ABCA3: variants seen among roughly 807,000 people sequenced by gnomAD.
ABCA3 encodes ATP binding cassette subfamily A member 3.
A neutral mutation model predicts 172.8 loss-of-function variants in ABCA3; 88 were observed. The observed-to-expected ratio is 0.51, with a 90% CI of 0.43 to 0.61. The LOEUF is 0.61. Ranked by LOEUF, ABCA3 falls within the 20% of genes least tolerant of loss-of-function variation. ABCA3 has a pLI of 0.00. For synonymous variants in ABCA3, 1,066 were observed against 983.8 expected (o/e 1.08, Z -1.56); for missense variants, 2,164 against 2,301.0 (o/e 0.94, Z 1.22).
At chr16:2,312,695 AT>A (rs907789669) in intron 10 of ABCA3, among the ~76,000 whole-genome samples, 1 of 151,546 alleles carries the variant, frequency 6.6e-6, no homozygotes, top group Non-Finnish European at 1.5e-5. Flanking sequence ...CGCCCAGCAA[AT>A]TTTTTTTGTA....
chr16:2,288,500 C>A (rs1212240354), intron 20 of ABCA3, among the ~76,000 whole-genome samples, 171 bp from the exon 21 acceptor site: 1 of 152,222 alleles, frequency 6.6e-6, no homozygotes, highest in Non-Finnish European at 1.5e-5. Context: ...GCTCAGTGCA[C>A]CACATGGCAG....
rs2093651563 is a variant in ABCA3, at chr16:2,279,267, G to A, written c.4360-137C>T. 9 of 1,014,426 alleles carry A rather than the reference G, an allele frequency of 8.9e-6. No individual in the cohort carries two copies. The highest frequency in any genetic ancestry group is 1.3e-5 in the Non-Finnish European group (9 of 684,708). 62.8% of individuals were successfully genotyped at this position (1,014,426 alleles called of 1,614,324 possible). A position where few individuals can be genotyped will look rare whatever the true frequency, so the allele number is the denominator to read the frequency against. ...CCTGCCAGTGTGTGTACACGGGGGC[G>A]CTGGAGCTATGCACAGGCCGTGGTG... On this transcript the variant is annotated intron_variant, in intron 28 of 32. Coordinates refer to ENST00000301732, the MANE Select transcript of ABCA3 (RefSeq NM_001089.3). The surrounding 1 kb of genome is among the most constrained non-coding windows in gnomAD (Gnocchi z 4.4).
chr16:2,338,316 G>A (rs956317081), intron 1 of ABCA3, among the ~76,000 whole-genome samples: 15 of 152,192 alleles, frequency 9.9e-5, no homozygotes, highest in Admixed American at 2.0e-4. Flanking sequence ...CAAGATGTGG[G>A]CCTTCAGTGT....
At position 2,297,650 on chromosome 16, in the gene ABCA3, AG is replaced by A. The variant is rs2093682055; in HGVS notation, c.2053-112del. 1.9e-6 allele frequency: 3 copies of A among 1,589,550 alleles called. No individual in the cohort carries two copies. The highest frequency in any genetic ancestry group is 2.6e-6 in the Non-Finnish European group (3 of 1,171,644). On this transcript the variant is annotated intron_variant, in intron 16 of 32. Coordinates refer to ENST00000301732, the MANE Select transcript of ABCA3 (RefSeq NM_001089.3). This position sits in a 1 kb window ranked among gnomAD's most constrained non-coding sequence, Gnocchi z 5.6. ...TCGCGGAGCCGGCTTGAGTCCTCCA[AG>A]GATGGTGATGGCCTTGTCTGGGGTG...
chr16:2,279,242 C>T lies in ABCA3; in HGVS notation c.4360-112G>A. 1 of 1,296,462 alleles carries T rather than the reference C, an allele frequency of 7.7e-7. No homozygotes were observed. The highest frequency in any genetic ancestry group is 1.1e-6 in the Non-Finnish European group (1 of 929,612). The allele number at this position is 1,296,462 out of a possible 1,614,324, so 80.3% of individuals were successfully genotyped here. A position where few individuals can be genotyped will look rare whatever the true frequency, so the allele number is the denominator to read the frequency against. ...CCCACCACTGCGCCTGTCTGTGGTT[C>T]CTGCCAGTGTGTGTACACGGGGGCG... On this transcript the variant is annotated intron_variant, in intron 28 of 32. Coordinates refer to ENST00000301732, the MANE Select transcript of ABCA3 (RefSeq NM_001089.3). The surrounding 1 kb of genome is among the most constrained non-coding windows in gnomAD (Gnocchi z 4.4).
chr16:2,304,726 A>C (rs1013749524), intron 11 of ABCA3, among the ~76,000 whole-genome samples: 1 of 114,608 alleles, frequency 8.7e-6, no homozygotes. Context: ...CCCAGGCTGG[A>C]GTGCAGTGGC....
chr16:2,315,363 C>A (rs138543545), intron 10 of ABCA3, among the ~76,000 whole-genome samples: 1 of 152,120 alleles, frequency 6.6e-6, no homozygotes, highest in Admixed American at 6.6e-5. Context: ...CAGACTCCCA[C>A]TAACGATGAG....
chr16:2,331,804 C>T (rs1371809538), intron 1 of ABCA3, among the ~76,000 whole-genome samples: 1 of 152,186 alleles, frequency 6.6e-6, no homozygotes, highest in Non-Finnish European at 1.5e-5. Flanking sequence ...AAGTTAAACA[C>T]TCAGGACTCC....
chr16:2,306,869 G>C (rs2093698488), intron 11 of ABCA3, among the ~76,000 whole-genome samples: 1 of 151,836 alleles, frequency 6.6e-6, no homozygotes, highest in Non-Finnish European at 1.5e-5. Context: ...CAAAAAATTA[G>C]CTGGGCACGG....
chr16:2,314,543 C>G (rs544661257), intron 10 of ABCA3, among the ~76,000 whole-genome samples: 10 of 151,418 alleles, frequency 6.6e-5, no homozygotes, highest in Admixed American at 3.3e-4. Flanking sequence ...GGGGTGGGTG[C>G]ACAACGATGT....
At chr16:2,296,023 C>G (rs995931592) in intron 17 of ABCA3, among the ~76,000 whole-genome samples, 2 of 152,174 alleles carry the variant, frequency 1.3e-5, no homozygotes, top group South Asian at 2.1e-4. Context: ...ATACAAGCAC[C>G]AGGGAAGGAT....
chr16:2,319,892 G>A, intron 7 of ABCA3, 52 bp from the exon 8 acceptor site: 1 of 1,608,680 alleles, frequency 6.2e-7, no homozygotes, highest in Non-Finnish European at 8.5e-7. Context: ...CTGCTCTCGA[G>A]GGCAGAGGGC....
At chr16:2,330,563 G>A (rs897729780) in intron 1 of ABCA3, among the ~76,000 whole-genome samples, 4 of 151,672 alleles carry the variant, frequency 2.6e-5, no homozygotes, top group Non-Finnish European at 4.4e-5. Flanking sequence ...CAAGTGATCC[G>A]CCGACCTTGG....
At chr16:2,329,032 A>G (rs574569150) in intron 2 of ABCA3, among the ~76,000 whole-genome samples, 1 of 150,392 alleles carries the variant, frequency 6.6e-6, no homozygotes, top group Admixed American at 6.7e-5. Context: ...GTTGATATCT[A>G]ATAATATTCA....
At chr16:2,324,573 C>T (rs895181542) in intron 5 of ABCA3, 42 bp from the exon 6 acceptor site, 3 of 1,603,708 alleles carry the variant, frequency 1.9e-6, no homozygotes, top group African/African-American at 2.7e-5. Context: ...CCCAATCGGC[C>T]CTCCTGCTTG....
At chr16:2,315,203 TACACACACACAC>T (rs377647001) in intron 10 of ABCA3, among the ~76,000 whole-genome samples, 24 of 138,502 alleles carry the variant, frequency 1.7e-4, no homozygotes, top group East Asian at 4.1e-4. Context: ...GTATGTATTT[TACACACACACAC>T]ACACACACAC....
rs1029885956 is a variant in ABCA3, at chr16:2,324,457, C to T, written c.394G>A (p.Ala132Thr). The T allele has an allele frequency of 1.3e-5, 21 of 1,609,060 alleles. No homozygotes were observed. The highest frequency in any genetic ancestry group is 2.2e-5 in the East Asian group (1 of 44,856). The change falls in exon 6 of 33, where the codon GCC becomes ACC. Residue 132 changes from alanine (A) to threonine (T), a missense_variant. Physicochemically the swap from Ala to Thr is moderately conservative, Grantham distance 58. Coordinates refer to ENST00000301732, the MANE Select transcript of ABCA3 (RefSeq NM_001089.3). ...YDNCSSSVLA[A>T]VVFEHPFNHS... is the part of the protein sequence containing the mutation. ...TTGAAGGGGTGCTCGAAGACCACGGCGGCCAGCACGCTGGACGAGCAGTTG... is the reference window on the plus strand; with the variant it reads ...TTGAAGGGGTGCTCGAAGACCACGGTGGCCAGCACGCTGGACGAGCAGTTG...
rs1463443074 is a variant in ABCA3, at chr16:2,326,115, G to A, written c.214C>T (p.Pro72Ser). The A allele has an allele frequency of 2.5e-6, 4 of 1,614,044 alleles. No individual in the cohort carries two copies. The highest frequency in any genetic ancestry group is 1.7e-6 in the Non-Finnish European group (2 of 1,180,060). The stretch of plus-strand genomic sequence containing the variant: ...AGCTCCCAGGTGTCTCCTGGCGGAG[G>A]GAAGGTGAAGAACAGAGGCAGCTCC... ...IQELPLFFTF[P>S]PPGDTWELAY... Residue 72 changes from proline (P) to serine (S), a missense_variant, in exon 5 of 33, where the codon CCT (proline) becomes TCT (serine). Physicochemically the swap from Pro to Ser is moderately conservative, Grantham distance 74. Transcript: ENST00000301732.
intron 12 of ABCA3, 36 bp downstream of exon 12, chr16:2,303,933 G>C: frequency 6.2e-7 from 1 of 1,611,768 alleles, no homozygotes; most frequent in Non-Finnish European, 8.5e-7. Flanking sequence ...TGCACTCAGA[G>C]AGGCGGCGGC....
Sources: gnomAD v4.1 joint callset for allele counts (sites outside exome capture counted in the v4.1 genomes callset) on GRCh38, gnomAD v4.1.1 for gene constraint, Gnocchi (gnomAD v3.1) non-coding constraint, MANE v1.5 for transcripts, NCBI Gene and HGNC (gene_info 2026-07-23, HGNC 2026-07-21) for gene names.